Variants in OPCML observed in about 807,000 individuals in gnomAD.
OPCML encodes opioid-binding protein/cell adhesion molecule.
In OPCML, 13 loss-of-function variants were observed where a neutral mutation model predicts 37.8. The ratio of observed to expected loss-of-function variants is 0.34; its 90% CI spans 0.22 to 0.55. The LOEUF (loss-of-function observed/expected upper bound fraction) is 0.55, where lower values mean the gene tolerates loss of function less well. OPCML is among the 20% of genes least tolerant of loss of function. The pLI is 0.91. For synonymous variants in OPCML, 176 were observed against 168.8 expected, an observed-to-expected ratio of 1.04 and a Z score of -0.33; for missense variants, 341 against 435.6, an observed-to-expected ratio of 0.78 and a Z score of 1.93.
chr11:133,169,234 G>A (rs571412051), intron 1 of OPCML, among the ~76,000 whole-genome samples: 10 of 152,280 alleles, frequency 6.6e-5, no homozygotes, highest in East Asian at 5.8e-4. Context: ...TCCCAATATC[G>A]TACAGCTGGA....
At chr11:133,291,740 G>A (rs1376559177) in intron 1 of OPCML, among the ~76,000 whole-genome samples, 1 of 152,190 alleles carries the variant, frequency 6.6e-6, no homozygotes, top group East Asian at 1.9e-4. Flanking sequence ...GGGCATCTGA[G>A]CACAAATTGA....
chr11:132,618,747 A>T (rs182120499), intron 3 of OPCML, among the ~76,000 whole-genome samples: 276 of 152,256 alleles, frequency 1.8e-3, no homozygotes, highest in African/African-American at 6.5e-3. Flanking sequence ...TACATTTAAA[A>T]TATTGTGCAA....
chr11:132,563,757 T>G (rs972653936), intron 3 of OPCML, among the ~76,000 whole-genome samples: 1 of 152,132 alleles, frequency 6.6e-6, no homozygotes, highest in Non-Finnish European at 1.5e-5. Flanking sequence ...AAAGCACTTA[T>G]GTATTATTGT....
At chr11:133,392,518 C>A (rs1009971667) in intron 1 of OPCML, among the ~76,000 whole-genome samples, 1 of 152,198 alleles carries the variant, frequency 6.6e-6, no homozygotes, top group Non-Finnish European at 1.5e-5. Context: ...GTGACTGGTC[C>A]TCTGGCACAT....
intron 1 of OPCML, among the ~76,000 whole-genome samples, chr11:133,463,213 A>G (rs1946899339): frequency 6.6e-6 from 1 of 151,986 alleles, no homozygotes; most frequent in Non-Finnish European, 1.5e-5. Flanking sequence ...ATGAAGAGGT[A>G]AAAAGTGGAA....
chr11:133,260,488 T>G (rs1184275716), intron 1 of OPCML, among the ~76,000 whole-genome samples: 2 of 151,842 alleles, frequency 1.3e-5, no homozygotes, highest in East Asian at 3.9e-4. Flanking sequence ...TCAAAGGTGT[T>G]GAAGGTGGAG....
At chr11:133,266,901 G>C (rs1941677453) in intron 1 of OPCML, among the ~76,000 whole-genome samples, 1 of 152,268 alleles carries the variant, frequency 6.6e-6, no homozygotes, top group Admixed American at 6.5e-5. Context: ...GTGATGAGAT[G>C]TCCTCAGGGC....
At chr11:133,109,538 T>G (rs1387141463) in intron 1 of OPCML, among the ~76,000 whole-genome samples, 2 of 152,202 alleles carry the variant, frequency 1.3e-5, no homozygotes, top group Non-Finnish European at 2.9e-5. Context: ...ACAATCCCCT[T>G]GCTAGCTACT....
chr11:133,218,345 G>A (rs1210198143), intron 1 of OPCML, among the ~76,000 whole-genome samples: 1 of 152,152 alleles, frequency 6.6e-6, no homozygotes, highest in Non-Finnish European at 1.5e-5. Context: ...GAAATACAAG[G>A]TTTGTCGATA....
At chr11:132,492,227 G>T (rs1408573058) in intron 4 of OPCML, among the ~76,000 whole-genome samples, 1 of 152,014 alleles carries the variant, frequency 6.6e-6, no homozygotes, top group Non-Finnish European at 1.5e-5. Context: ...GAAAAGGGAG[G>T]TCTTGGAGGG....
chr11:132,872,574 C>T (rs569223519), intron 2 of OPCML, among the ~76,000 whole-genome samples: 1 of 152,240 alleles, frequency 6.6e-6, no homozygotes, highest in African/African-American at 2.4e-5. Flanking sequence ...ATGAGGCAGC[C>T]ACCGTGCTCA....
At chr11:132,507,399 C>A (rs1172248535) in intron 4 of OPCML, among the ~76,000 whole-genome samples, 1 of 151,664 alleles carries the variant, frequency 6.6e-6, no homozygotes. Context: ...GTATTTTATA[C>A]CATATGAATT....
At chr11:132,698,389 T>C (rs1258510157) in intron 2 of OPCML, among the ~76,000 whole-genome samples, 3 of 152,130 alleles carry the variant, frequency 2.0e-5, no homozygotes, top group Non-Finnish European at 4.4e-5. Context: ...TCCCTGATGA[T>C]TAGTGATGTT....
At chr11:133,233,901 C>T (rs1940400758) in intron 1 of OPCML, among the ~76,000 whole-genome samples, 1 of 152,156 alleles carries the variant, frequency 6.6e-6, no homozygotes, top group Non-Finnish European at 1.5e-5. Context: ...CATCCCCCAC[C>T]CCCTGCCCAG....
rs570820971 is a variant in OPCML at position 133,232,025 on chromosome 11, G to A, written c.62-289015C>T. Among the ~76,000 whole-genome samples the A allele has an allele frequency of 2.3e-3, 349 of 152,250 alleles. 5 individuals carry two copies. The highest frequency in any genetic ancestry group is 0.01 in the Middle Eastern group (3 of 294). ...ACTCCCCAGCCTCCTCAGGAAGGAC[G>A]AGGGAGAGGAAGAGAGATGAAACAA... is the stretch of plus-strand genomic sequence containing the variant. On this transcript the variant is annotated intron_variant, in intron 1 of 7. Transcript: ENST00000524381.
chr11:132,731,468 C>T lies in OPCML; in HGVS notation c.147-74149G>A, dbSNP rs541729496. The stretch of plus-strand genomic sequence containing the variant: ...GTGCCACAGTGTATTGCCTTACAGA[C>T]TATGAAAGATAAGCCAGTCTATGAT... On this transcript the variant is annotated intron_variant, in intron 2 of 7. Transcript: ENST00000524381. Among the ~76,000 whole-genome samples, 86 of 152,300 alleles carry T rather than the reference C, an allele frequency of 5.6e-4. 2 individuals carry two copies. In the Middle Eastern group the frequency reaches 0.014, roughly 24 times the overall value.
chr11:133,119,144 TA>T (rs1949382684), intron 1 of OPCML, among the ~76,000 whole-genome samples: 1 of 152,050 alleles, frequency 6.6e-6, no homozygotes, highest in Non-Finnish European at 1.5e-5. Context: ...CCAGGCTCTA[TA>T]AATGGCCCAT....
intron 1 of OPCML, among the ~76,000 whole-genome samples, chr11:133,426,605 C>G (rs1486206259): frequency 6.6e-6 from 1 of 152,198 alleles, no homozygotes; most frequent in Non-Finnish European, 1.5e-5. Flanking sequence ...GACGCCCACA[C>G]CAACCTGAAA....
At chr11:133,040,746 G>A (rs1351389574) in intron 1 of OPCML, among the ~76,000 whole-genome samples, 1 of 152,130 alleles carries the variant, frequency 6.6e-6, no homozygotes, top group Non-Finnish European at 1.5e-5. Context: ...GTATGTGACT[G>A]CGTCTCTCTG....
Sources: allele counts gnomAD v4.1 joint callset (sites outside exome capture counted in the v4.1 genomes callset), GRCh38; gene constraint gnomAD v4.1.1; transcripts MANE v1.5; gene names NCBI Gene and HGNC (gene_info 2026-07-23, HGNC 2026-07-21).